ITGB4: variants seen among roughly 807,000 people sequenced by gnomAD.
ITGB4 encodes the protein integrin beta-4.
Under a neutral mutation model 207.6 loss-of-function variants are expected in ITGB4, and 159 were observed. The observed-to-expected ratio is 0.77, with a 90% CI of 0.67 to 0.87. The LOEUF is 0.87. Ranked by LOEUF, ITGB4 falls within the 40% of genes least tolerant of loss-of-function variation. ITGB4 has a pLI of 0.00. For missense variants in ITGB4, 2,278 were observed against 2,546.8 expected, an observed-to-expected ratio of 0.89 and a Z score of 2.27; for synonymous variants, 1,020 against 1,062.7, an observed-to-expected ratio of 0.96 and a Z score of 0.78.
chr17:75,750,756 C>T lies in ITGB4; in HGVS notation c.3551C>T (p.Thr1184Ile). 1 of 1,613,586 alleles carries T rather than the reference C, an allele frequency of 6.2e-7. No homozygotes were observed. The highest frequency in any genetic ancestry group is 2.2e-5 in the East Asian group (1 of 44,884). Reference sequence around the variant, plus strand: ...AGCAAGGTGCCCTCAGTGGAGCTCACCAACCTGTACCCGTATTGCGACTAT... The same window carrying T: ...AGCAAGGTGCCCTCAGTGGAGCTCATCAACCTGTACCCGTATTGCGACTAT... ...LDSKVPSVEL[T>I]NLYPYCDYEM... The change falls in exon 29 of 40, where the codon ACC (threonine) becomes ATC (isoleucine). Residue 1184 changes from threonine (T) to isoleucine (I), a missense_variant. Physicochemically the swap from Thr to Ile is moderately conservative, Grantham distance 89. Coordinates refer to ENST00000200181, the MANE Select transcript of ITGB4 (RefSeq NM_000213.5). The surrounding 1 kb of genome is among the most constrained non-coding windows in gnomAD (Gnocchi z 5.5).
chr17:75,752,537 T>C lies in ITGB4; in HGVS notation c.4068T>C (p.Ser1356=). 1.2e-6 allele frequency: 2 copies of C among 1,613,588 alleles called. No individual in the cohort carries two copies. The highest frequency in any genetic ancestry group is 2.2e-5 in the East Asian group (1 of 44,874). Residue 1356 remains serine, a synonymous_variant, in exon 32 of 40, where the codon TCT becomes TCC. Coordinates refer to ENST00000200181, the MANE Select transcript of ITGB4 (RefSeq NM_000213.5). ...FLMYSDDVLR[S]PSGSQRPSVS... is the part of the protein sequence containing the mutation. ...TGTACAGCGATGACGTTCTACGCTCTCCATCGGGCAGCCAGAGGCCCAGCG... is the reference window on the plus strand; with the variant it reads ...TGTACAGCGATGACGTTCTACGCTCCCCATCGGGCAGCCAGAGGCCCAGCG...
rs751869719 is a variant in ITGB4 at position 75,756,551 on chromosome 17, G to C, written c.4831G>C (p.Glu1611Gln). 5 of 1,613,256 alleles carry C rather than the reference G, an allele frequency of 3.1e-6. No homozygotes were observed. In the South Asian group the frequency reaches 5.5e-5, roughly 18 times the overall value. The stretch of plus-strand genomic sequence containing the variant: ...CCAGAGCCAGGAAGGCTGGGGCCGA[G>C]AGCGTGAGGGTGTCATCACCATTGA... ...RAQSQEGWGR[E>Q]REGVITIESQ... is the part of the protein sequence containing the mutation. The change falls in exon 36 of 40, where the codon GAG becomes CAG. Residue 1611 changes from glutamate to glutamine, a missense_variant. Physicochemically the swap from Glu to Gln is conservative, Grantham distance 29 (BLOSUM62 2). Transcript: ENST00000200181.
rs755004951 is a variant in ITGB4, at chr17:75,731,803, C to A, written c.1216-9C>A. 9.5e-6 allele frequency: 15 copies of A among 1,574,408 alleles called. No individual in the cohort carries two copies. The East Asian group carries it at 3.5e-4, about 37-fold the overall frequency. ...GGGCCTGCCTTGGCTGACCACGGGG[C>A]CCCTGCAGGGTATATACCAGGTGCA... is the stretch of plus-strand genomic sequence containing the variant. On this transcript the variant is annotated splice_polypyrimidine_tract_variant and intron_variant, in intron 10 of 39. Coordinates refer to ENST00000200181, the MANE Select transcript of ITGB4 (RefSeq NM_000213.5). This position sits in a 1 kb window ranked among gnomAD's most constrained non-coding sequence, Gnocchi z 6.8.
rs922755632 is a variant in ITGB4, at chr17:75,729,504, G to GC, written c.738+73dup. ...GCACTTCTGGGCAAGGGCCTGAGCT[G>GC]CCCCCTGGCCTGCTCTGGTGCCAGG... On this transcript the variant is annotated intron_variant, in intron 7 of 39. Transcript: ENST00000200181. This position sits in a 1 kb window ranked among gnomAD's most constrained non-coding sequence, Gnocchi z 4.4. 4,438 of 1,517,668 alleles carry GC rather than the reference G, an allele frequency of 2.9e-3. 16 individuals carry two copies. The highest frequency in any genetic ancestry group is 3.7e-3 in the Non-Finnish European group (4,160 of 1,117,990). The allele number at this position is 1,517,668 out of a possible 1,614,324, so 94.0% of individuals were successfully genotyped here.
chr17:75,724,977 G>A (rs1472060537), intron 2 of ITGB4, among the ~76,000 whole-genome samples, 195 bp downstream of exon 2: 1 of 152,232 alleles, frequency 6.6e-6, no homozygotes, highest in Non-Finnish European at 1.5e-5. Flanking sequence ...CCTGACCACG[G>A]GGCCTGAGAA....
Position 75,752,572 on chromosome 17 carries a change from A to T in ITGB4, c.4103A>T (p.Asp1368Val). 1.9e-6 allele frequency: 3 copies of T among 1,613,536 alleles called. No individual in the cohort carries two copies. Among genetic ancestry groups the T allele is most frequent in the Non-Finnish European group, 2.5e-6 (3 of 1,180,004 alleles). ...SGSQRPSVSD[D>V]TGCGWKFEPL... ...AGCCAGAGGCCCAGCGTCTCCGATG[A>T]CACTGGTGAGTGGAGACCTGGGACC... Residue 1368 changes from aspartate (D) to valine (V), a missense_variant, in exon 32 of 40, where the codon GAC becomes GTC. Asp to Val is a radical substitution (Grantham distance 152, BLOSUM62 -3). Coordinates refer to ENST00000200181, the MANE Select transcript of ITGB4 (RefSeq NM_000213.5).
chr17:75,740,292 C>A lies in ITGB4; in HGVS notation c.2447-66C>A. 7.0e-7 allele frequency: 1 copy of A among 1,424,442 alleles called. No homozygotes were observed. The highest frequency in any genetic ancestry group is 1.2e-5 in the South Asian group (1 of 84,010). 88.2% of individuals were successfully genotyped at this position (1,424,442 alleles called of 1,614,324 possible). A position where few individuals can be genotyped will look rare whatever the true frequency, so the allele number is the denominator to read the frequency against. On this transcript the variant is annotated intron_variant, in intron 20 of 39. Coordinates refer to ENST00000200181, the MANE Select transcript of ITGB4 (RefSeq NM_000213.5). This position sits in a 1 kb window ranked among gnomAD's most constrained non-coding sequence, Gnocchi z 5.9. ...CTAGCATGGTTGCTGGAGGGATGCTCTGTGGTGCCTGTCATGCAGGGGGCT... is the reference window on the plus strand; with the variant it reads ...CTAGCATGGTTGCTGGAGGGATGCTATGTGGTGCCTGTCATGCAGGGGGCT...
chr17:75,743,614 TC>T, intron 25 of ITGB4, 98 bp from the exon 26 acceptor site: 1 of 1,537,870 alleles, frequency 6.5e-7, no homozygotes, highest in Admixed American at 1.7e-5. Flanking sequence ...CCAAGCGGAC[TC>T]CTGGATTCTG....
In ITGB4 at chr17:75,742,480, G is replaced by A; in HGVS notation, c.2773G>A (p.Ala925Thr). ...GGCCCCCGGCTACTACACCCTCACTGCAGACCAGGGTAGGAGGGCGGGTCC... is the reference window on the plus strand; with the variant it reads ...GGCCCCCGGCTACTACACCCTCACTACAGACCAGGGTAGGAGGGCGGGTCC... ...KVAPGYYTLT[A>T]DQDARGMVEF... Residue 925 changes from alanine to threonine, a missense_variant, in exon 24 of 40, where the codon GCA becomes ACA. Physicochemically the swap from Ala to Thr is moderately conservative, Grantham distance 58 (BLOSUM62 0). Coordinates refer to ENST00000200181, the MANE Select transcript of ITGB4 (RefSeq NM_000213.5). The surrounding 1 kb of genome is among the most constrained non-coding windows in gnomAD (Gnocchi z 5.9). 6.2e-7 allele frequency: 1 copy of A among 1,613,078 alleles called. No homozygotes were observed. Among genetic ancestry groups the A allele is most frequent in the South Asian group, 1.1e-5 (1 of 91,030 alleles).
chr17:75,728,411 T>C lies in ITGB4; in HGVS notation c.504T>C (p.Thr168=). The change falls in exon 6 of 40, where the codon ACT becomes ACC. Residue 168 remains threonine (T), a synonymous_variant. Transcript: ENST00000200181. ...TGAGCCAGCTCACCAGCGACTACAC[T>C]ATTGGATTTGGCAAGTTTGTGGACA... ...RVLSQLTSDY[T]IGFGKFVDKV... The C allele has an allele frequency of 6.2e-7, 1 of 1,614,120 alleles. No individual in the cohort carries two copies. Among genetic ancestry groups the C allele is most frequent in the South Asian group, 1.1e-5 (1 of 91,088 alleles).
intron 26 of ITGB4, among the ~76,000 whole-genome samples, chr17:75,745,195 C>T (rs915166460): frequency 6.6e-6 from 1 of 152,022 alleles, no homozygotes; most frequent in Admixed American, 6.5e-5. Context: ...GAGTTCAAGA[C>T]CAGCCTAGGC....
rs771523983 is a variant in ITGB4, at chr17:75,748,886, G to A, written c.3157G>A (p.Ala1053Thr). The A allele has an allele frequency of 1.9e-6, 3 of 1,612,956 alleles. No individual in the cohort carries two copies. The Admixed American group carries it at 5.0e-5, about 27-fold the overall frequency. The change falls in exon 27 of 40, where the codon GCC (alanine) becomes ACC (threonine). Residue 1053 changes from alanine to threonine, a missense_variant. Ala to Thr is a moderately conservative substitution (Grantham distance 58). Transcript: ENST00000200181. ...TGAGCTGCTGTTCCAGCCTGGGGAGGCCTGGAAAGAGCTGCAGGTGAAGCT... is the reference window on the plus strand; with the variant it reads ...TGAGCTGCTGTTCCAGCCTGGGGAGACCTGGAAAGAGCTGCAGGTGAAGCT... ...EGELLFQPGEAWKELQVKLLE... is the reference protein window; with the variant it reads ...EGELLFQPGETWKELQVKLLE...
intron 1 of ITGB4, among the ~76,000 whole-genome samples, chr17:75,723,693 C>A (rs1275879200): frequency 2.0e-5 from 3 of 152,266 alleles, no homozygotes; most frequent in African/African-American, 7.2e-5. Context: ...AGCCCCCAGA[C>A]CCTGGGGTGG....
In ITGB4 at chr17:75,739,803, G is replaced by C; in HGVS notation, c.2255-77G>C. On this transcript the variant is annotated intron_variant, in intron 19 of 39. Transcript: ENST00000200181. This position sits in a 1 kb window ranked among gnomAD's most constrained non-coding sequence, Gnocchi z 5.4. ...GAACCTGGAACGGCAGAGGCTGGAGGCTCTGGGGTCCCACCTGAAGAGGTT... is the reference window on the plus strand; with the variant it reads ...GAACCTGGAACGGCAGAGGCTGGAGCCTCTGGGGTCCCACCTGAAGAGGTT... 6.2e-7 allele frequency: 1 copy of C among 1,605,916 alleles called. No individual in the cohort carries two copies. Among genetic ancestry groups the C allele is most frequent in the South Asian group, 1.1e-5 (1 of 90,932 alleles).
In ITGB4 at chr17:75,742,584, G is replaced by A. The variant is rs143240391; in HGVS notation, c.2785G>A (p.Ala929Thr). 2.3e-5 allele frequency: 37 copies of A among 1,613,754 alleles called. No homozygotes were observed. The highest frequency in any genetic ancestry group is 2.0e-4 in the African/African-American group (15 of 74,912). The change falls in exon 25 of 40, where the codon GCC becomes ACC. Residue 929 changes from alanine to threonine, a missense_variant and splice_region_variant. Ala to Thr is a moderately conservative substitution (Grantham distance 58). Transcript: ENST00000200181. This position sits in a 1 kb window ranked among gnomAD's most constrained non-coding sequence, Gnocchi z 5.9. Reference sequence around the variant, plus strand: ...ACCACCTCCGAACCCCCACCCAGACGCCCGGGGCATGGTGGAGTTCCAGGA... The same window carrying A: ...ACCACCTCCGAACCCCCACCCAGACACCCGGGGCATGGTGGAGTTCCAGGA... The part of the protein sequence containing the change: ...GYYTLTADQD[A>T]RGMVEFQEGV...
At chr17:75,736,979 G>T (rs572215576) in intron 16 of ITGB4, among the ~76,000 whole-genome samples, 35 of 152,288 alleles carry the variant, frequency 2.3e-4, no homozygotes, top group African/African-American at 8.2e-4. Flanking sequence ...CTTGGGCAGG[G>T]GCATGCACCC....
chr17:75,756,548 C>T lies in ITGB4; in HGVS notation c.4828C>T (p.Arg1610Ter), dbSNP rs766505643. The change falls in exon 36 of 40, where the codon CGA (arginine) becomes TGA (stop). Residue 1610 changes from arginine (R) to a stop codon, truncating the protein, a stop_gained. Coordinates refer to ENST00000200181, the MANE Select transcript of ITGB4 (RefSeq NM_000213.5). LOFTEE classifies it high-confidence loss of function. ...VRAQSQEGWG[R>*]EREGVITIES... ...GGCCCAGAGCCAGGAAGGCTGGGGC[C>T]GAGAGCGTGAGGGTGTCATCACCAT... 13 of 1,613,118 alleles carry T rather than the reference C, an allele frequency of 8.1e-6. No homozygotes were observed. Among genetic ancestry groups the T allele is most frequent in the East Asian group, 6.7e-5 (3 of 44,898 alleles).
At chr17:75,730,765 C>G in intron 8 of ITGB4, 110 bp from the exon 9 acceptor site, 1 of 1,152,596 alleles carries the variant, frequency 8.7e-7, no homozygotes, top group Non-Finnish European at 1.3e-6. Flanking sequence ...CTCTGCGACA[C>G]CACAGTAGGT....
intron 26 of ITGB4, among the ~76,000 whole-genome samples, chr17:75,744,412 G>A (rs935235620): frequency 3.3e-5 from 5 of 151,562 alleles, no homozygotes; most frequent in African/African-American, 9.7e-5. Context: ...GAGCCACCGC[G>A]CCCGGCCCAA....
Sources: gnomAD v4.1 joint callset for allele counts (sites outside exome capture counted in the v4.1 genomes callset) on GRCh38, gnomAD v4.1.1 for gene constraint, Gnocchi (gnomAD v3.1) non-coding constraint, MANE v1.5 for transcripts, NCBI Gene and HGNC (gene_info 2026-07-23, HGNC 2026-07-21) for gene names.